The following LRP1B variants were observed in gnomAD, a reference collection of about 807,000 sequenced individuals.
The protein encoded by LRP1B is LDL receptor related protein 1B, also known as low-density lipoprotein receptor-related protein 1B.
A neutral mutation model predicts 556.6 loss-of-function variants in LRP1B; 217 were observed. That is an observed-to-expected ratio of 0.39 (90% confidence interval 0.35 to 0.44). LRP1B has a LOEUF of 0.44. Ranked by LOEUF, LRP1B falls within the 20% of genes least tolerant of loss-of-function variation. The probability of loss-of-function intolerance (pLI) is 1.00; values close to 1 mark genes in which losing one functional copy is unlikely to be tolerated. For missense variants in LRP1B, 5,053 were observed against 5,620.8 expected (o/e 0.90, Z 3.23); for synonymous variants, 2,047 against 1,865.8 (o/e 1.10, Z -2.50).
chr2:142,052,291 T>G (rs1407344575), intron 1 of LRP1B, among the ~76,000 whole-genome samples: 2 of 152,066 alleles, frequency 1.3e-5, no homozygotes, highest in African/African-American at 4.8e-5. Context: ...TCCCTAGAGA[T>G]ATGGCACATT....
rs187190843 is a variant in LRP1B, at chr2:140,355,182, A to G, written c.11530+1160T>C. 3.0e-4 allele frequency among the ~76,000 whole-genome samples: 45 copies of G among 151,956 alleles called. No homozygotes were observed. In the East Asian group the frequency reaches 8.7e-3, roughly 29 times the overall value. ...TAAAAATTAAGAAAACTTTAATAAT[A>G]TAATTTCTAAATTTAGTACATATAT... On this transcript the variant is annotated intron_variant, in intron 75 of 90. Coordinates refer to ENST00000389484, the MANE Select transcript of LRP1B (RefSeq NM_018557.3).
Position 140,411,637 on chromosome 2 carries a change from A to G in LRP1B, c.10415-25628T>C, listed in dbSNP as rs114792353. Among the ~76,000 whole-genome samples the G allele has an allele frequency of 4.3e-3, 649 of 152,202 alleles. 2 individuals are homozygous for G. The highest frequency in any genetic ancestry group is 6.6e-3 in the Non-Finnish European group (452 of 67,986). On this transcript the variant is annotated intron_variant, in intron 66 of 90. Coordinates refer to ENST00000389484, the MANE Select transcript of LRP1B (RefSeq NM_018557.3). Reference sequence around the variant, plus strand: ...CGCAATTAGGCAAAGGATTTCTGTTACTTATATGGAGAAATGATATTCACT... The same window carrying G: ...CGCAATTAGGCAAAGGATTTCTGTTGCTTATATGGAGAAATGATATTCACT...
chr2:141,490,368 C>CGTGTG (rs1491339740), intron 2 of LRP1B, among the ~76,000 whole-genome samples: 3 of 40,842 alleles, frequency 7.3e-5, no homozygotes, highest in Admixed American at 3.5e-4. Context: ...TTAAAATAGC[C>CGTGTG]TCGTGTGTGT....
At position 140,461,489 on chromosome 2, in the gene LRP1B, G is replaced by A. The variant is rs1687317125; in HGVS notation, c.9626-3838C>T. Among the ~76,000 whole-genome samples the A allele has an allele frequency of 2.0e-5, 3 of 152,016 alleles. No homozygotes were observed. The South Asian group carries it at 6.2e-4, about 31-fold the overall frequency. ...CCATATTTACTTTAAGAATCTAAAT[G>A]TTATCTTAAAATATTACTTTATGCC... is the stretch of plus-strand genomic sequence containing the variant. On this transcript the variant is annotated intron_variant, in intron 60 of 90. Coordinates refer to ENST00000389484, the MANE Select transcript of LRP1B (RefSeq NM_018557.3).
In LRP1B at chr2:141,821,438, C is replaced by G. The variant is rs887581537; in HGVS notation, c.83-11037G>C. On this transcript the variant is annotated intron_variant, in intron 1 of 90. Coordinates refer to ENST00000389484, the MANE Select transcript of LRP1B (RefSeq NM_018557.3). Reference sequence around the variant, plus strand: ...TCTACTTTTACATAAATTGGCTTTTCTTCTCCTTGATGTCAAATGTCAGTC... The same window carrying G: ...TCTACTTTTACATAAATTGGCTTTTGTTCTCCTTGATGTCAAATGTCAGTC... Among the ~76,000 whole-genome samples, 5 of 152,220 alleles carry G rather than the reference C, an allele frequency of 3.3e-5. No homozygotes were observed. The South Asian group carries it at 1.0e-3, about 32-fold the overall frequency.
At chr2:141,073,053 A>G (rs1699689497) in intron 7 of LRP1B, among the ~76,000 whole-genome samples, 1 of 151,990 alleles carries the variant, frequency 6.6e-6, no homozygotes, top group Non-Finnish European at 1.5e-5. Flanking sequence ...TTGCTTTACT[A>G]TTTATCATTC....
intron 66 of LRP1B, among the ~76,000 whole-genome samples, chr2:140,437,318 T>C (rs1386481611): frequency 6.6e-6 from 1 of 152,150 alleles, no homozygotes; most frequent in African/African-American, 2.4e-5. Context: ...AGAGAGATAC[T>C]GTGATACCAT....
At chr2:140,542,392 C>A (rs1019658550) in intron 43 of LRP1B, among the ~76,000 whole-genome samples, 4 of 151,996 alleles carry the variant, frequency 2.6e-5, no homozygotes, top group Non-Finnish European at 5.9e-5. Flanking sequence ...ACCATAAGAT[C>A]TAGGTTCTTT....
chr2:141,410,150 C>T (rs1573913507), intron 3 of LRP1B, among the ~76,000 whole-genome samples: 1 of 152,040 alleles, frequency 6.6e-6, no homozygotes, highest in South Asian at 2.1e-4. Context: ...CATATGGCTT[C>T]CGACACCCAA....
chr2:140,325,071 C>CA (rs890494251), intron 80 of LRP1B, among the ~76,000 whole-genome samples: 8 of 150,818 alleles, frequency 5.3e-5, no homozygotes, highest in Non-Finnish European at 1.0e-4. Flanking sequence ...TTTGTGGTTA[C>CA]AAAAAAATTG....
At chr2:140,282,809 A>C (rs1380688005) in intron 84 of LRP1B, among the ~76,000 whole-genome samples, 1 of 151,782 alleles carries the variant, frequency 6.6e-6, no homozygotes, top group African/African-American at 2.4e-5. Flanking sequence ...CTATCTATGG[A>C]TAGTTGGTTC....
chr2:140,615,004 A>T (rs1333736325), intron 41 of LRP1B, among the ~76,000 whole-genome samples: 1 of 152,156 alleles, frequency 6.6e-6, no homozygotes, highest in Non-Finnish European at 1.5e-5. Context: ...TGAAGATAAC[A>T]GCCCCTTCCT....
intron 31 of LRP1B, 132 bp from the exon 32 acceptor site, chr2:140,813,938 C>A: frequency 1.6e-6 from 1 of 644,314 alleles, no homozygotes; most frequent in Admixed American, 3.0e-5. Context: ...TAAGATCTGG[C>A]TAATAGGGAA....
chr2:140,727,561 A>G (rs1398429936), intron 35 of LRP1B, among the ~76,000 whole-genome samples: 1 of 152,176 alleles, frequency 6.6e-6, no homozygotes, highest in East Asian at 1.9e-4. Flanking sequence ...ACTGGGTAGC[A>G]TTTGGATTAG....
intron 3 of LRP1B, among the ~76,000 whole-genome samples, chr2:141,286,197 T>C (rs1035957362): frequency 2.6e-5 from 4 of 152,154 alleles, no homozygotes; most frequent in Admixed American, 6.5e-5. Context: ...AAGTTCTTTT[T>C]CTATGTGCCT....
chr2:142,026,180 T>C (rs978157549), intron 1 of LRP1B, among the ~76,000 whole-genome samples: 2 of 152,154 alleles, frequency 1.3e-5, no homozygotes, highest in African/African-American at 2.4e-5. Flanking sequence ...CTTTAAAACA[T>C]GGCAACAGCT....
intron 2 of LRP1B, among the ~76,000 whole-genome samples, chr2:141,523,663 A>G (rs893217434): frequency 2.0e-5 from 3 of 152,162 alleles, no homozygotes; most frequent in Non-Finnish European, 2.9e-5. Flanking sequence ...AAATTATTAC[A>G]TACTTAAAAA....
intron 41 of LRP1B, among the ~76,000 whole-genome samples, chr2:140,674,750 GGCTCA>G (rs1410086486): frequency 6.6e-6 from 1 of 152,178 alleles, no homozygotes; most frequent in Non-Finnish European, 1.5e-5. Context: ...ACTCATGTTT[GGCTCA>G]GGATAAACCT....
chr2:141,210,890 T>TA (rs1185978258), intron 6 of LRP1B, among the ~76,000 whole-genome samples: 2 of 152,162 alleles, frequency 1.3e-5, no homozygotes, highest in African/African-American at 4.8e-5. Context: ...TAAATGACAA[T>TA]AAAAAATAGG....
Sources: allele counts gnomAD v4.1 joint callset (sites outside exome capture counted in the v4.1 genomes callset), GRCh38; gene constraint gnomAD v4.1.1; transcripts MANE v1.5; gene names NCBI Gene and HGNC (gene_info 2026-07-23, HGNC 2026-07-21).